The following RELN variants were observed in gnomAD, a reference collection of about 807,000 sequenced individuals.
RELN encodes the protein reelin.
RELN carries 108 observed loss-of-function variants against 427.6 expected under a neutral mutation model. The ratio of observed to expected loss-of-function variants is 0.25; its 90% CI spans 0.22 to 0.30. RELN has a LOEUF of 0.30. Ranked by LOEUF, RELN falls within the 10% of genes least tolerant of loss-of-function variation. RELN has a pLI of 1.00. For synonymous variants in RELN, 1,524 were observed against 1,513.4 expected (o/e 1.01, Z -0.16); for missense variants, 3,715 against 4,302.8 (o/e 0.86, Z 3.82).
intron 6 of RELN, among the ~76,000 whole-genome samples, chr7:103,737,321 A>G (rs373027083): frequency 6.6e-6 from 1 of 152,238 alleles, no homozygotes; most frequent in Non-Finnish European, 1.5e-5. Flanking sequence ...GACACTGAGC[A>G]AAGTGGAGAT....
At chr7:103,819,011 T>C (rs1396640884) in intron 3 of RELN, among the ~76,000 whole-genome samples, 2 of 152,020 alleles carry the variant, frequency 1.3e-5, no homozygotes, top group Non-Finnish European at 1.5e-5. Flanking sequence ...TCTAGAGAAA[T>C]ATACCCCAAG....
chr7:103,822,980 T>A (rs1332179559), intron 3 of RELN, among the ~76,000 whole-genome samples: 1 of 152,074 alleles, frequency 6.6e-6, no homozygotes, highest in Non-Finnish European at 1.5e-5. Context: ...TAATACTACC[T>A]GCAATTGAAA....
intron 6 of RELN, among the ~76,000 whole-genome samples, chr7:103,729,752 A>G (rs1200055366): frequency 6.6e-6 from 1 of 152,124 alleles, no homozygotes; most frequent in Non-Finnish European, 1.5e-5. Flanking sequence ...AAATGCATAT[A>G]AGACAACTTC....
chr7:103,835,980 G>A (rs1387396952), intron 2 of RELN, among the ~76,000 whole-genome samples: 9 of 146,140 alleles, frequency 6.2e-5, no homozygotes, highest in Non-Finnish European at 1.3e-4. Context: ...TTTATAGGCG[G>A]AGTCTCACTC....
intron 43 of RELN, among the ~76,000 whole-genome samples, chr7:103,541,219 C>T (rs1393582250): frequency 2.6e-5 from 4 of 152,244 alleles, no homozygotes; most frequent in African/African-American, 9.6e-5. Context: ...GTGGCAGCAA[C>T]CAGCTGGGGT....
intron 2 of RELN, among the ~76,000 whole-genome samples, chr7:103,844,031 C>G (rs921780213): frequency 6.6e-6 from 1 of 152,206 alleles, no homozygotes; most frequent in Non-Finnish European, 1.5e-5. Context: ...TCTGCCTCAC[C>G]ACCTGGTGCC....
At chr7:103,804,096 A>T (rs1414782651) in intron 3 of RELN, among the ~76,000 whole-genome samples, 1 of 152,108 alleles carries the variant, frequency 6.6e-6, no homozygotes, top group Non-Finnish European at 1.5e-5. Context: ...GCATTTCCTC[A>T]TCTTGCAGAG....
rs1472154988 is a variant in RELN, at chr7:103,563,285, A to G, written c.5211-1332T>C. 6.6e-6 allele frequency among the ~76,000 whole-genome samples: 1 copy of G among 152,206 alleles called. No homozygotes were observed. The highest frequency in any genetic ancestry group is 1.5e-5 in the Non-Finnish European group (1 of 68,036). ...TATGACAATGGTCTCATAAGATTAT[A>G]ATGGATCTGAAAAAAAATTCCTATT... On this transcript the variant is annotated intron_variant, in intron 34 of 64. Coordinates refer to ENST00000428762, the MANE Select transcript of RELN (RefSeq NM_005045.4). This position sits in a 1 kb window ranked among gnomAD's most constrained non-coding sequence, Gnocchi z 4.1.
intron 41 of RELN, 126 bp downstream of exon 41, chr7:103,550,941 T>C (rs1830396189): frequency 5.1e-6 from 4 of 779,496 alleles, no homozygotes; most frequent in Non-Finnish European, 8.7e-6. Context: ...TCCACTGATC[T>C]GCTTGAGAAC....
intron 2 of RELN, among the ~76,000 whole-genome samples, chr7:103,858,171 G>A (rs1793990516): frequency 6.6e-6 from 1 of 152,112 alleles, no homozygotes; most frequent in Non-Finnish European, 1.5e-5. Flanking sequence ...GGCAGCTTGG[G>A]CTCGAATCCT....
At chr7:103,878,211 A>G (rs1385933422) in intron 2 of RELN, among the ~76,000 whole-genome samples, 1 of 151,730 alleles carries the variant, frequency 6.6e-6, no homozygotes, top group African/African-American at 2.4e-5. Context: ...TTTCACACCC[A>G]CAATTAAGCA....
intron 3 of RELN, among the ~76,000 whole-genome samples, chr7:103,826,497 T>C (rs1049753420): frequency 3.3e-5 from 5 of 152,100 alleles, no homozygotes; most frequent in South Asian, 2.1e-4. Context: ...TTACTAAAAA[T>C]AGAGCTTAAT....
At chr7:103,748,450 C>G (rs1355974371) in intron 6 of RELN, among the ~76,000 whole-genome samples, 1 of 152,184 alleles carries the variant, frequency 6.6e-6, no homozygotes, top group African/African-American at 2.4e-5. Flanking sequence ...CCAGAGTCAT[C>G]TCTCCTTTCT....
At chr7:103,591,677 C>G (rs138180683) in intron 27 of RELN, among the ~76,000 whole-genome samples, 1 of 152,266 alleles carries the variant, frequency 6.6e-6, no homozygotes, top group East Asian at 1.9e-4. Flanking sequence ...TTGGGCACAC[C>G]TAGTTAACTT....
chr7:103,485,377 A>G (rs1386075020), intron 61 of RELN, among the ~76,000 whole-genome samples: 1 of 152,142 alleles, frequency 6.6e-6, no homozygotes, highest in Non-Finnish European at 1.5e-5. Flanking sequence ...CACTAATATT[A>G]TATTTTCCAA....
At chr7:103,476,717 G>A (rs757960340) in intron 64 of RELN, 1 of 417,762 alleles carries the variant, frequency 2.4e-6, no homozygotes, top group Non-Finnish European at 4.9e-6. Context: ...AACAGTTATT[G>A]TACCTTCTAA....
chr7:103,500,032 G>A (rs1330895097), intron 53 of RELN, among the ~76,000 whole-genome samples: 1 of 152,112 alleles, frequency 6.6e-6, no homozygotes, highest in African/African-American at 2.4e-5. Flanking sequence ...GACAGAACAG[G>A]TTTGATTTAC....
intron 2 of RELN, among the ~76,000 whole-genome samples, chr7:103,904,975 C>CTTTTTTTTTTTTTTTTTT (rs67024941): frequency 1.6e-4 from 12 of 77,366 alleles, no homozygotes; most frequent in East Asian, 4.5e-4. Flanking sequence ...AAGTTCTTTC[C>CTTTTTTTTTTTTTTTTTT]TTTTTTTTTT....
At chr7:103,827,911 A>G (rs1256928332) in intron 3 of RELN, among the ~76,000 whole-genome samples, 1 of 152,052 alleles carries the variant, frequency 6.6e-6, no homozygotes, top group Non-Finnish European at 1.5e-5. Flanking sequence ...ATCATTTCAG[A>G]CTTAAATGGG....
Sources: gnomAD v4.1 joint callset for allele counts (sites outside exome capture counted in the v4.1 genomes callset) on GRCh38, gnomAD v4.1.1 for gene constraint, Gnocchi (gnomAD v3.1) non-coding constraint, MANE v1.5 for transcripts, NCBI Gene and HGNC (gene_info 2026-07-23, HGNC 2026-07-21) for gene names.